PRSS55: variants seen among roughly 807,000 people sequenced by gnomAD.
PRSS55 encodes probable serine protease UNQ9391/PRO34284.
Under a neutral mutation model 23.6 loss-of-function variants are expected in PRSS55, and 41 were observed. The ratio of observed to expected loss-of-function variants is 1.74; its 90% CI spans 1.35 to 2.26. The LOEUF (loss-of-function observed/expected upper bound fraction) is 2.26. PRSS55 is among the 30% of genes most tolerant of loss of function. The pLI, the probability that PRSS55 is intolerant of heterozygous loss-of-function variation, is 0.00. For missense variants in PRSS55, 669 were observed against 439.1 expected (o/e 1.52, Z -4.68); for synonymous variants, 262 against 175.5 (o/e 1.49, Z -3.90).
intron 2 of PRSS55, among the ~76,000 whole-genome samples, chr8:10,530,874 G>C (rs1188709404): frequency 1.3e-5 from 2 of 152,062 alleles, no homozygotes; most frequent in Non-Finnish European, 2.9e-5. Flanking sequence ...ACTAACTTCT[G>C]GTCCTGAGTT....
intron 4 of PRSS55, among the ~76,000 whole-genome samples, chr8:10,544,416 ATG>A (rs1463949698): frequency 6.6e-6 from 1 of 152,154 alleles, no homozygotes; most frequent in Admixed American, 6.5e-5. Flanking sequence ...GTGAATTTAA[ATG>A]TGTTTCCTGT....
In PRSS55 at chr8:10,529,613, A is replaced by G; in HGVS notation, c.261A>G (p.Ala87=). 6.2e-7 allele frequency: 1 copy of G among 1,614,200 alleles called. No individual in the cohort carries two copies. Among genetic ancestry groups the G allele is most frequent in the East Asian group, 2.2e-5 (1 of 44,876 alleles). Residue 87 remains alanine (A), a synonymous_variant, in exon 2 of 5, where the codon GCA becomes GCG. Coordinates refer to ENST00000328655, the MANE Select transcript of PRSS55 (RefSeq NM_198464.4). ...TTCCGTGGCAGGTGAGTATTCAGGC[A>G]AGAAGTGAACCTTTCTGTGGCGGCT... ...GEFPWQVSIQ[A]RSEPFCGGSI... is the part of the protein sequence containing the mutation.
At chr8:10,546,428 G>A (rs1406435667) in intron 4 of PRSS55, among the ~76,000 whole-genome samples, 3 of 152,130 alleles carry the variant, frequency 2.0e-5, no homozygotes, top group African/African-American at 7.2e-5. Context: ...ACAGGATCAA[G>A]TCCCCTTGAT....
At chr8:10,550,003 T>C (rs1264631295) in intron 4 of PRSS55, among the ~76,000 whole-genome samples, 1 of 152,222 alleles carries the variant, frequency 6.6e-6, no homozygotes, top group Non-Finnish European at 1.5e-5. Context: ...CACTGCAGCC[T>C]CCGCCTCCCA....
chr8:10,551,607 G>A (rs1468878125), intron 4 of PRSS55, among the ~76,000 whole-genome samples: 1 of 152,252 alleles, frequency 6.6e-6, no homozygotes, highest in Non-Finnish European at 1.5e-5. Context: ...ACCCCACAGA[G>A]GGGCTTCACC....
intron 4 of PRSS55, among the ~76,000 whole-genome samples, chr8:10,550,817 T>A (rs1197534913): frequency 6.6e-6 from 1 of 152,226 alleles, no homozygotes; most frequent in Non-Finnish European, 1.5e-5. Flanking sequence ...TGTGTGTGCA[T>A]GCGTGTGTGT....
chr8:10,525,603 G>A lies in PRSS55; in HGVS notation c.18G>A (p.Val6=). The change falls in exon 1 of 5, where the codon GTG becomes GTA. Residue 6 remains valine, a synonymous_variant. Transcript: ENST00000328655. ...CCAGGGCCATGCTCCTGTTCTCAGT[G>A]TTGCTGCTCCTGTCCCTGGTCACGG... MLLFS[V]LLLLSLVTGT... The A allele has an allele frequency of 4.3e-6, 7 of 1,614,132 alleles. No homozygotes were observed. The highest frequency in any genetic ancestry group is 5.9e-6 in the Non-Finnish European group (7 of 1,180,010).
intron 4 of PRSS55, among the ~76,000 whole-genome samples, chr8:10,544,102 C>A (rs1407268249): frequency 6.6e-6 from 1 of 151,986 alleles, no homozygotes; most frequent in Non-Finnish European, 1.5e-5. Flanking sequence ...GTTGTTCTAT[C>A]CATTATTTAA....
Position 10,538,504 on chromosome 8 carries a change from C to T in PRSS55, c.770C>T (p.Thr257Ile), listed in dbSNP as rs894308732. 8.1e-6 allele frequency: 13 copies of T among 1,613,670 alleles called. No homozygotes were observed. Among genetic ancestry groups the T allele is most frequent in the African/African-American group, 1.3e-5 (1 of 74,918 alleles). ...GACAGTGGGGGGCCTCTGGTCTGCA[C>T]CCCAGAGCCTGGTGAGAAGTGGTAC... ...KGDSGGPLVCTPEPGEKWYQV... is the reference protein window; with the variant it reads ...KGDSGGPLVCIPEPGEKWYQV... Residue 257 changes from threonine (T) to isoleucine (I), a missense_variant, in exon 5 of 5, where the codon ACC becomes ATC. Thr to Ile is a moderately conservative substitution (Grantham distance 89). Transcript: ENST00000328655.
At chr8:10,533,160 A>G in intron 4 of PRSS55, 112 bp downstream of exon 4, 1 of 1,212,502 alleles carries the variant, frequency 8.2e-7, no homozygotes, top group Non-Finnish European at 1.2e-6. Flanking sequence ...TGGAAAATGT[A>G]TGGGAATTAG....
intron 4 of PRSS55, among the ~76,000 whole-genome samples, chr8:10,543,934 G>T (rs976892408): frequency 6.6e-6 from 1 of 152,080 alleles, no homozygotes; most frequent in African/African-American, 2.4e-5. Context: ...ATTGCTTTAT[G>T]GCTTAGAATA....
At chr8:10,550,685 A>T (rs554331718) in intron 4 of PRSS55, among the ~76,000 whole-genome samples, 2 of 152,102 alleles carry the variant, frequency 1.3e-5, no homozygotes, top group Non-Finnish European at 2.9e-5. Flanking sequence ...GCTTGATGAT[A>T]ACTGTGTTAC....
At chr8:10,536,821 A>C (rs1346903887) in intron 4 of PRSS55, among the ~76,000 whole-genome samples, 3 of 152,228 alleles carry the variant, frequency 2.0e-5, no homozygotes, top group Non-Finnish European at 4.4e-5. Flanking sequence ...TGTTGAATAC[A>C]CATGGACACA....
chr8:10,553,606 T>C (rs912015894), intron 4 of PRSS55, among the ~76,000 whole-genome samples: 1 of 152,146 alleles, frequency 6.6e-6, no homozygotes, highest in African/African-American at 2.4e-5. Flanking sequence ...TGTGAACTCA[T>C]AGAATCGCAG....
chr8:10,530,409 A>T lies in PRSS55; in HGVS notation c.347+710A>T, dbSNP rs193199015. ...AGAGTTGCTTGAACCCAGGAGGCAG[A>T]TGTTGCAGTGAGCCAAGATCGCACC... On this transcript the variant is annotated intron_variant, in intron 2 of 4. Coordinates refer to ENST00000328655, the MANE Select transcript of PRSS55 (RefSeq NM_198464.4). 1.7e-4 allele frequency among the ~76,000 whole-genome samples: 26 copies of T among 152,340 alleles called. No individual in the cohort carries two copies. In the East Asian group the frequency reaches 5.0e-3, roughly 29 times the overall value.
At chr8:10,544,909 G>A (rs1006178064) in intron 4 of PRSS55, 9 of 631,028 alleles carry the variant, frequency 1.4e-5, no homozygotes, top group South Asian at 1.4e-4. Context: ...ATGTCTCATA[G>A]ATTTTAAGAG....
chr8:10,536,695 C>A (rs1299356082), intron 4 of PRSS55, among the ~76,000 whole-genome samples: 4 of 149,280 alleles, frequency 2.7e-5, no homozygotes, highest in Non-Finnish European at 5.9e-5. Context: ...TAAAAAAAAA[C>A]AAAATCATAT....
intron 3 of PRSS55, 179 bp downstream of exon 3, chr8:10,531,724 G>C (rs908325921): frequency 2.7e-6 from 2 of 753,946 alleles, no homozygotes; most frequent in Non-Finnish European, 4.2e-6. Flanking sequence ...TGAGACACCA[G>C]GTCTGAGCCA....
chr8:10,552,305 T>C (rs1476205771), intron 4 of PRSS55, among the ~76,000 whole-genome samples: 2 of 152,194 alleles, frequency 1.3e-5, no homozygotes, highest in Non-Finnish European at 2.9e-5. Context: ...AAGCTACGGA[T>C]GGCTGGAGGC....
Sources: allele counts gnomAD v4.1 joint callset (sites outside exome capture counted in the v4.1 genomes callset), GRCh38; gene constraint gnomAD v4.1.1; transcripts MANE v1.5; gene names NCBI Gene and HGNC (gene_info 2026-07-23, HGNC 2026-07-21).